The following NHS variants were observed in gnomAD, a reference collection of about 807,000 sequenced individuals.
NHS encodes actin remodeling regulator NHS.
NHS carries 5 observed loss-of-function variants against 72.5 expected under a neutral mutation model. That is an observed-to-expected ratio of 0.07 (90% CI 0.04 to 0.14). The LOEUF (loss-of-function observed/expected upper bound fraction) is 0.14, where lower values mean the gene tolerates loss of function less well. Ranked by LOEUF, NHS falls within the 10% of genes least tolerant of loss-of-function variation. NHS has a pLI of 1.00. For synonymous variants in NHS, 464 were observed against 547.7 expected (o/e 0.85, Z 2.13); for missense variants, 1,072 against 1,355.7 (o/e 0.79, Z 3.29).
At chrX:17,475,877 C>T (rs997102564) in intron 1 of NHS, among the ~76,000 whole-genome samples, 3 of 112,037 alleles carry the variant, frequency 2.7e-5, no homozygotes, top group Non-Finnish European at 5.6e-5. Context: ...CTCTTTGCCT[C>T]TCATTTCACG....
intron 1 of NHS, among the ~76,000 whole-genome samples, chrX:17,481,051 T>G (rs961371232): frequency 9.0e-6 from 1 of 111,541 alleles, no homozygotes; most frequent in African/African-American, 3.3e-5. Context: ...ATTCTTCCTA[T>G]TTTTAGTGCA....
chrX:17,615,227 CAT>C (rs199689852), intron 1 of NHS, among the ~76,000 whole-genome samples: 4,831 of 86,127 alleles, frequency 0.056, 475 homozygotes, highest in African/African-American at 0.24. Flanking sequence ...TATATATACA[CAT>C]ATATATACGT....
intron 1 of NHS, among the ~76,000 whole-genome samples, chrX:17,390,324 A>G (rs191059196): frequency 4.6e-4 from 52 of 112,184 alleles, no homozygotes; most frequent in African/African-American, 1.7e-3. Context: ...TAATAATGCG[A>G]GGAAAGCTTT....
chrX:17,429,265 T>TGC (rs1569252414), intron 1 of NHS, among the ~76,000 whole-genome samples: 1 of 107,940 alleles, frequency 9.3e-6, no homozygotes. Context: ...TGTGCACACG[T>TGC]GCGCGCGCGC....
intron 1 of NHS, among the ~76,000 whole-genome samples, chrX:17,584,287 G>T: frequency 9.0e-6 from 1 of 111,430 alleles, no homozygotes; most frequent in East Asian, 2.8e-4. Context: ...GAGGACAAAG[G>T]AGAGGCCACC....
chrX:17,725,167 G>A (rs193107717), intron 6 of NHS, among the ~76,000 whole-genome samples, 180 bp from the exon 7 acceptor site: 19 of 109,401 alleles, frequency 1.7e-4, no homozygotes, highest in Admixed American at 1.1e-3. Context: ...TGAGGGGGAC[G>A]TGTATATACA....
At chrX:17,587,608 G>A (rs2065582225) in intron 1 of NHS, among the ~76,000 whole-genome samples, 1 of 112,559 alleles carries the variant, frequency 8.9e-6, no homozygotes. Flanking sequence ...CTCAGCACTT[G>A]ACTAATTAAC....
At chrX:17,721,061 T>A (rs6629242) in intron 4 of NHS, among the ~76,000 whole-genome samples, 3 of 111,832 alleles carry the variant, frequency 2.7e-5, no homozygotes, top group African/African-American at 9.7e-5. Context: ...CTTCCTTTGA[T>A]CCTAGTCATC....
intron 1 of NHS, among the ~76,000 whole-genome samples, chrX:17,462,228 A>G (rs761438389): frequency 1.8e-5 from 2 of 111,729 alleles, no homozygotes; most frequent in Non-Finnish European, 3.8e-5. Flanking sequence ...TAAGTACTAT[A>G]TATATATTCA....
At chrX:17,550,920 CA>C (rs1272906292) in intron 1 of NHS, among the ~76,000 whole-genome samples, 2 of 111,353 alleles carry the variant, frequency 1.8e-5, no homozygotes, top group Non-Finnish European at 3.8e-5. Context: ...CAGCTCTATG[CA>C]GCTGCACTGG....
intron 1 of NHS, among the ~76,000 whole-genome samples, chrX:17,418,995 T>TC (rs2064610062): frequency 8.9e-6 from 1 of 112,596 alleles, no homozygotes; most frequent in South Asian, 3.7e-4. Context: ...TGTGTATGTA[T>TC]TTGTGGATAG....
At chrX:17,383,324 C>T in intron 1 of NHS, among the ~76,000 whole-genome samples, 1 of 111,702 alleles carries the variant, frequency 9.0e-6, no homozygotes, top group Non-Finnish European at 1.9e-5. Context: ...ACTCTTTTTC[C>T]TTAAACTATT....
intron 1 of NHS, among the ~76,000 whole-genome samples, chrX:17,537,053 G>A (rs2065228571): frequency 8.9e-6 from 1 of 112,143 alleles, no homozygotes; most frequent in Non-Finnish European, 1.9e-5. Flanking sequence ...TTGCCAGATG[G>A]AAAGCAAAGC....
intron 1 of NHS, among the ~76,000 whole-genome samples, chrX:17,421,773 C>T (rs932966185): frequency 8.1e-5 from 9 of 111,245 alleles, no homozygotes; most frequent in African/African-American, 2.9e-4. Flanking sequence ...GACAGGGTTT[C>T]ACCATGTTGG....
chrX:17,533,215 C>T (rs929443915), intron 1 of NHS, among the ~76,000 whole-genome samples: 2 of 112,241 alleles, frequency 1.8e-5, no homozygotes, highest in Non-Finnish European at 3.8e-5. Flanking sequence ...GAATCGTCTC[C>T]AGTGTGTGAG....
intron 1 of NHS, among the ~76,000 whole-genome samples, chrX:17,406,930 A>G (rs2064532011): frequency 8.9e-6 from 1 of 112,018 alleles, no homozygotes; most frequent in Non-Finnish European, 1.9e-5. Context: ...TGAGTTGCTT[A>G]CCTCACAGAA....
chrX:17,551,111 C>A (rs1444557334), intron 1 of NHS, among the ~76,000 whole-genome samples: 2 of 111,811 alleles, frequency 1.8e-5, no homozygotes, highest in Non-Finnish European at 3.8e-5. Context: ...TCTCTGAACC[C>A]CCCTTCCTCA....
At chrX:17,524,077 G>A (rs113405100) in intron 1 of NHS, among the ~76,000 whole-genome samples, 8,594 of 111,868 alleles carry the variant, frequency 0.077, 863 homozygotes, top group African/African-American at 0.27. Context: ...AGCAAGCTCC[G>A]CATTTGGTGA....
At chrX:17,492,486 G>T (rs1185777408) in intron 1 of NHS, among the ~76,000 whole-genome samples, 2 of 112,503 alleles carry the variant, frequency 1.8e-5, no homozygotes, top group Non-Finnish European at 3.7e-5. Context: ...TGATTGCACT[G>T]TGGTCTGAGT....
Sources: allele counts gnomAD v4.1 joint callset (sites outside exome capture counted in the v4.1 genomes callset), GRCh38; gene constraint gnomAD v4.1.1; transcripts MANE v1.5; gene names NCBI Gene and HGNC (gene_info 2026-07-23, HGNC 2026-07-21).